NXPE4: variants seen among roughly 807,000 people sequenced by gnomAD.
The protein encoded by NXPE4 is neurexophilin and PC-esterase domain family member 4.
NXPE4 carries 42 observed loss-of-function variants against 33.3 expected under a neutral mutation model. That is an observed-to-expected ratio of 1.26 (90% CI 0.98 to 1.63). NXPE4 has a LOEUF of 1.63. Ranked by LOEUF, NXPE4 falls within the 40% of genes most tolerant of loss-of-function variation. The pLI, the probability that NXPE4 is intolerant of heterozygous loss-of-function variation, is 0.00. For synonymous variants in NXPE4, 253 were observed against 234.9 expected, an observed-to-expected ratio of 1.08 and a Z score of -0.71; for missense variants, 709 against 647.6, an observed-to-expected ratio of 1.09 and a Z score of -1.03.
intron 3 of NXPE4, 54 bp downstream of exon 3, chr11:114,582,234 A>G: frequency 6.6e-7 from 1 of 1,516,762 alleles, no homozygotes. Context: ...GGATCAGTAT[A>G]TAGGCCAAAT....
At chr11:114,593,198 T>C (rs1195980136) in intron 2 of NXPE4, among the ~76,000 whole-genome samples, 1 of 152,060 alleles carries the variant, frequency 6.6e-6, no homozygotes, top group African/African-American at 2.4e-5. Context: ...AACTAAAAAC[T>C]TCTTCACAGC....
At chr11:114,625,303 A>C in the NXPE4 span, among the ~76,000 whole-genome samples, 1 of 151,380 alleles carries the variant, frequency 6.6e-6, no homozygotes, top group East Asian at 2.0e-4. Flanking sequence ...ACAGTTACCC[A>C]GTGGATAATA....
the NXPE4 span, among the ~76,000 whole-genome samples, chr11:114,609,766 A>G: frequency 6.6e-6 from 1 of 150,462 alleles, no homozygotes; most frequent in African/African-American, 2.4e-5. Flanking sequence ...GACAATAAGT[A>G]TTGCCTCGCG....
Position 114,582,550 on chromosome 11 carries a change from C to T in NXPE4, c.568G>A (p.Ala190Thr). The T allele has an allele frequency of 6.2e-7, 1 of 1,614,172 alleles. No individual in the cohort carries two copies. The highest frequency in any genetic ancestry group is 8.5e-7 in the Non-Finnish European group (1 of 1,180,014). The change falls in exon 3 of 6, where the codon GCT becomes ACT. Residue 190 changes from alanine (A) to threonine (T), a missense_variant. Coordinates refer to ENST00000375478, the MANE Select transcript of NXPE4 (RefSeq NM_001077639.2). ...LLIHPSEGVSALWSARNQGYD... is the reference protein window; with the variant it reads ...LLIHPSEGVSTLWSARNQGYD... ...CCTTGGTTCCTTGCACTCCAGAGAG[C>T]TGACACCCCTTCACTGGGGTGGATG...
At chr11:114,611,599 C>G in the NXPE4 span, among the ~76,000 whole-genome samples, 11 of 146,230 alleles carry the variant, frequency 7.5e-5, no homozygotes, top group Non-Finnish European at 4.5e-5. Flanking sequence ...TGTCGTGGGT[C>G]ACAATTCTTA....
intron 2 of NXPE4, among the ~76,000 whole-genome samples, chr11:114,593,541 T>A (rs1364945907): frequency 6.6e-6 from 1 of 152,150 alleles, no homozygotes; most frequent in East Asian, 1.9e-4. Context: ...CTAGTGAGGA[T>A]GTGGAGAAAA....
rs747828133 is a variant in NXPE4, at chr11:114,571,267, C to T, written c.1306G>A (p.Gly436Ser). The T allele has an allele frequency of 1.2e-6, 2 of 1,613,814 alleles. No homozygotes were observed. Among genetic ancestry groups the T allele is most frequent in the Admixed American group, 1.7e-5 (1 of 59,970 alleles). The stretch of plus-strand genomic sequence containing the variant: ...ATGGGAAAGGGTCTGAAATGCTGGC[C>T]CAGGGAAATAACAATGACAGTATTT... ...EKNTVIVISL[G>S]QHFRPFPIDV... Residue 436 changes from glycine (G) to serine (S), a missense_variant, in exon 6 of 6, where the codon GGC becomes AGC. Transcript: ENST00000375478.
the NXPE4 span, among the ~76,000 whole-genome samples, chr11:114,613,888 A>G: frequency 2.0e-5 from 3 of 152,032 alleles, no homozygotes; most frequent in Non-Finnish European, 2.9e-5. Flanking sequence ...TGTGGATAAT[A>G]AGTGTTGCCT....
chr11:114,598,048 C>T (rs1364247396), upstream of NXPE4, among the ~76,000 whole-genome samples: 3 of 152,082 alleles, frequency 2.0e-5, no homozygotes, highest in East Asian at 5.8e-4. Flanking sequence ...TTAGTTACTT[C>T]CAAGATACAA....
the NXPE4 span, among the ~76,000 whole-genome samples, chr11:114,644,681 A>T: frequency 8.5e-5 from 13 of 152,296 alleles, no homozygotes; most frequent in Admixed American, 3.9e-4. Flanking sequence ...TTCTAATATC[A>T]TAAAGATGGT....
At chr11:114,598,919 G>C (rs551263039), upstream of NXPE4, among the ~76,000 whole-genome samples, 2 of 152,118 alleles carry the variant, frequency 1.3e-5, no homozygotes, top group South Asian at 2.1e-4. Context: ...TTTGCATTTG[G>C]CTCCTTTTTA....
chr11:114,624,535 C>A, the NXPE4 span, among the ~76,000 whole-genome samples: 5 of 151,012 alleles, frequency 3.3e-5, no homozygotes, highest in Non-Finnish European at 4.4e-5. Flanking sequence ...TCGTGGGTAA[C>A]CACTGTTACC....
chr11:114,604,268 A>G, the NXPE4 span, among the ~76,000 whole-genome samples: 1 of 152,012 alleles, frequency 6.6e-6, no homozygotes, highest in African/African-American at 2.4e-5. Context: ...AACCAGTGTT[A>G]CCTGCTAGAT....
At chr11:114,610,046 G>A in the NXPE4 span, among the ~76,000 whole-genome samples, 306 of 150,806 alleles carry the variant, frequency 2.0e-3, no homozygotes, top group Non-Finnish European at 3.0e-3. Context: ...ACTTTTCCCC[G>A]GTGGATAATA....
At chr11:114,657,311 T>A in the NXPE4 span, among the ~76,000 whole-genome samples, 1 of 152,152 alleles carries the variant, frequency 6.6e-6, no homozygotes, top group African/African-American at 2.4e-5. Flanking sequence ...CGATATAGAA[T>A]TTAGAGGAGT....
the NXPE4 span, among the ~76,000 whole-genome samples, chr11:114,630,302 A>G: frequency 6.6e-6 from 1 of 151,898 alleles, no homozygotes; most frequent in Non-Finnish European, 1.5e-5. Flanking sequence ...CCAAAACAGC[A>G]TGGTACTGGT....
intron 2 of NXPE4, among the ~76,000 whole-genome samples, chr11:114,586,722 C>A (rs192430892): frequency 6.6e-6 from 1 of 152,324 alleles, no homozygotes; most frequent in East Asian, 1.9e-4. Flanking sequence ...CAGCCTCCAA[C>A]AGCCTGATGG....
chr11:114,586,850 G>A (rs548715928), intron 2 of NXPE4, among the ~76,000 whole-genome samples: 4 of 152,150 alleles, frequency 2.6e-5, no homozygotes, highest in East Asian at 3.9e-4. Context: ...TTTACAGTTC[G>A]GTGAAGTAAT....
intron 4 of NXPE4, 71 bp from the exon 5 acceptor site, chr11:114,580,409 C>G (rs1949113364): frequency 2.4e-6 from 3 of 1,275,392 alleles, no homozygotes; most frequent in South Asian, 2.4e-5. Context: ...TAAGAGCCTT[C>G]TATCCTCTAA....
Sources: allele counts gnomAD v4.1 joint callset (sites outside exome capture counted in the v4.1 genomes callset), GRCh38; gene constraint gnomAD v4.1.1; transcripts MANE v1.5; gene names NCBI Gene and HGNC (gene_info 2026-07-23, HGNC 2026-07-21).